The following OOSP4A variants were observed in gnomAD, a reference collection of about 807,000 sequenced individuals.
OOSP4A encodes oocyte secreted protein family member 4A.
intron 1 of OOSP4A, among the ~76,000 whole-genome samples, chr11:59,964,485 T>C (rs1854077081): frequency 1.3e-5 from 2 of 152,086 alleles, no homozygotes; most frequent in South Asian, 4.1e-4. Flanking sequence ...TTTCTGGCCG[T>C]GGGGTATGAA....
chr11:59,965,348 A>G (rs1045725582), intron 1 of OOSP4A, among the ~76,000 whole-genome samples, 187 bp from the exon 2 acceptor site: 3 of 152,176 alleles, frequency 2.0e-5, no homozygotes, highest in Admixed American at 2.0e-4. Context: ...CATTCTGATG[A>G]AAAAACTGAG....
chr11:59,969,796 C>CTCATGTAAATTTTATAA (rs775334845), intron 4 of OOSP4A, among the ~76,000 whole-genome samples: 30 of 152,122 alleles, frequency 2.0e-4, no homozygotes, highest in Middle Eastern at 3.2e-3. Context: ...AGATGGTGTC[C>CTCATGTAAATTTTATAA]TCATGTAAAA....
intron 4 of OOSP4A, 50 bp downstream of exon 4, chr11:59,969,334 A>T (rs192196576): frequency 2.3e-5 from 9 of 397,688 alleles, no homozygotes; most frequent in African/African-American, 1.4e-4. Flanking sequence ...ACATTTATAT[A>T]AAAAAGGCCA....
At position 59,968,593 on chromosome 11, in the gene OOSP4A, A is replaced by G. The variant is rs183021861; in HGVS notation, c.345-557A>G. On this transcript the variant is annotated intron_variant, in intron 3 of 4. Transcript: ENST00000645590. The stretch of plus-strand genomic sequence containing the variant: ...ATACTACAGTTCATGGTGGGAGAAT[A>G]TGCCCTTTCTGTCCCCTTTTCTACA... Among the ~76,000 whole-genome samples, 5 of 152,324 alleles carry G rather than the reference A, an allele frequency of 3.3e-5. No homozygotes were observed. The East Asian group carries it at 7.7e-4, about 24-fold the overall frequency.
intron 2 of OOSP4A, among the ~76,000 whole-genome samples, chr11:59,966,478 T>C (rs1854100326): frequency 6.6e-6 from 1 of 152,032 alleles, no homozygotes; most frequent in Non-Finnish European, 1.5e-5. Context: ...CTGACTCTTT[T>C]TTTTTTTTTG....
At chr11:59,966,080 C>A (rs919736306) in intron 2 of OOSP4A, among the ~76,000 whole-genome samples, 1 of 151,648 alleles carries the variant, frequency 6.6e-6, no homozygotes, top group Non-Finnish European at 1.5e-5. Flanking sequence ...TGTTGTTGAC[C>A]TAAAATTTTG....
At chr11:59,970,241 G>A (rs1854140992), downstream of OOSP4A, 1 of 393,130 alleles carries the variant, frequency 2.5e-6, no homozygotes, top group East Asian at 3.6e-5. Context: ...ATTTTTAAAT[G>A]AAAAAACCTG....
chr11:59,970,216 C>G, downstream of OOSP4A: 1 of 395,604 alleles, frequency 2.5e-6, no homozygotes, highest in Non-Finnish European at 4.5e-6. Flanking sequence ...TGTCTTTTAT[C>G]ATTTCAAATG....
chr11:59,964,148 CTTTTTTTTT>C (rs397848906), intron 1 of OOSP4A, 49 bp downstream of exon 1: 1 of 286,118 alleles, frequency 3.5e-6, no homozygotes. Flanking sequence ...ATCAGCAGGG[CTTTTTTTTT>C]TTTTTTTTTT....
chr11:59,967,454 C>G (rs1338556027), intron 3 of OOSP4A, among the ~76,000 whole-genome samples: 1 of 152,058 alleles, frequency 6.6e-6, no homozygotes, highest in Non-Finnish European at 1.5e-5. Flanking sequence ...TGCAGTGTTC[C>G]TTGTCTGCAC....
At chr11:59,964,862 A>G (rs574423811) in intron 1 of OOSP4A, among the ~76,000 whole-genome samples, 1 of 152,122 alleles carries the variant, frequency 6.6e-6, no homozygotes, top group Non-Finnish European at 1.5e-5. Context: ...TATTGTGTGC[A>G]GCCAAATGTA....
chr11:59,964,037 A>G, exon 1 of OOSP4A: 1 of 398,312 alleles, frequency 2.5e-6, no homozygotes, highest in Non-Finnish European at 4.4e-6. Context: ...GAAGCAATGA[A>G]GATCTCTTGT....
chr11:59,965,972 T>G (rs34899004), intron 2 of OOSP4A, among the ~76,000 whole-genome samples: 6,228 of 151,672 alleles, frequency 0.041, 399 homozygotes, highest in African/African-American at 0.14. Flanking sequence ...TGTGATAGTG[T>G]TTTTTTTGTT....
chr11:59,966,875 C>G (rs1854104960), intron 2 of OOSP4A, among the ~76,000 whole-genome samples, 192 bp from the exon 3 acceptor site: 3 of 152,134 alleles, frequency 2.0e-5, no homozygotes. Context: ...CTATTAATGT[C>G]TTCTAAAACC....
chr11:59,968,073 C>A (rs1854119453), intron 3 of OOSP4A, among the ~76,000 whole-genome samples: 1 of 152,132 alleles, frequency 6.6e-6, no homozygotes. Flanking sequence ...CTTTAAGACT[C>A]CTAGAGTTTT....
rs573503955 is a variant in OOSP4A, at chr11:59,965,714, G to A, written c.246+1G>A. The A allele has an allele frequency of 5.2e-4, 207 of 398,396 alleles. 1 individual carries two copies. The highest frequency in any genetic ancestry group is 6.4e-4 in the South Asian group (5 of 7,858). The allele number at this position is 398,396 out of a possible 1,614,324, so 24.7% of individuals were successfully genotyped here. On this transcript the variant is annotated splice_donor_variant, in intron 2 of 4. Transcript: ENST00000645590. LOFTEE classifies it high-confidence loss of function. ...AACTTTTTGTGGCATCAGAGTGAGCGTAAGAGCAGTTATTATTTCAACCAA... is the reference window on the plus strand; with the variant it reads ...AACTTTTTGTGGCATCAGAGTGAGCATAAGAGCAGTTATTATTTCAACCAA...
intron 1 of OOSP4A, 41 bp from the exon 2 acceptor site, chr11:59,965,494 T>A: frequency 2.5e-6 from 1 of 398,274 alleles, no homozygotes; most frequent in South Asian, 1.3e-4. Context: ...GGGGCAGACG[T>A]ACTATTTGAT....
chr11:59,964,207 C>A, intron 1 of OOSP4A, 108 bp downstream of exon 1: 1 of 382,676 alleles, frequency 2.6e-6, no homozygotes. Flanking sequence ...TTTTTTATAA[C>A]CTAGTGATCA....
At chr11:59,970,009 T>A (rs1854138922) in intron 4 of OOSP4A, 40 bp from the exon 5 acceptor site, 2 of 397,704 alleles carry the variant, frequency 5.0e-6, no homozygotes, top group Non-Finnish European at 4.4e-6. Context: ...TAGTTTCCCA[T>A]CAGTACAACA....
Sources: allele counts gnomAD v4.1 joint callset (sites outside exome capture counted in the v4.1 genomes callset), GRCh38; gene constraint gnomAD v4.1.1; transcripts MANE v1.5; gene names NCBI Gene and HGNC (gene_info 2026-07-23, HGNC 2026-07-21).